The following HOXD11 variants were observed in gnomAD, a reference collection of about 807,000 sequenced individuals.
The protein encoded by HOXD11 is homeobox protein Hox-D11.
A neutral mutation model predicts 23.1 loss-of-function variants in HOXD11; 16 were observed. The ratio of observed to expected loss-of-function variants is 0.69; its 90% CI spans 0.47 to 1.05. The LOEUF is 1.05. HOXD11 is among the 50% of genes least tolerant of loss of function. HOXD11 has a pLI of 0.00. For missense variants in HOXD11, 564 were observed against 495.6 expected, an observed-to-expected ratio of 1.14 and a Z score of -1.31; for synonymous variants, 262 against 224.4, an observed-to-expected ratio of 1.17 and a Z score of -1.50.
downstream of HOXD11, among the ~76,000 whole-genome samples, chr2:176,111,080 C>T (rs1478832644): frequency 6.6e-6 from 1 of 152,118 alleles, no homozygotes; most frequent in African/African-American, 2.4e-5. Context: ...TAAATTATTG[C>T]ACTTTCTACA....
intron 1 of HOXD11, 34 bp downstream of exon 1, chr2:176,108,170 G>A: frequency 3.7e-6 from 4 of 1,067,734 alleles, no homozygotes; most frequent in Non-Finnish European, 4.8e-6. Flanking sequence ...CGGTGGGCCC[G>A]GGGGCCGCGG....
chr2:176,108,875 C>G, intron 1 of HOXD11, 32 bp from the exon 2 acceptor site: 1 of 1,521,598 alleles, frequency 6.6e-7, no homozygotes, highest in Non-Finnish European at 9.1e-7. Flanking sequence ...AGGCAGCGGC[C>G]TCTCTCACCC....
At position 176,107,620 on chromosome 2, in the gene HOXD11, AGCGGGGGCGGCCCCG is replaced by A. The variant is rs1337534030; in HGVS notation, c.277_291del (p.Pro93_Gly97del). ...CGGCGGCAGCGCGGGGGGCGGCAGC[AGCGGGGGCGGCCCCG>A]GCGGGGGCGGCGGCGGCGCGGGGGG... On this transcript the variant is annotated inframe_deletion, in exon 1 of 2. Transcript: ENST00000249504. 8 of 1,099,262 alleles carry A rather than the reference AGCGGGGGCGGCCCCG, an allele frequency of 7.3e-6. No homozygotes were observed. Among genetic ancestry groups the A allele is most frequent in the Admixed American group, 5.4e-5 (1 of 18,680 alleles). The allele number at this position is 1,099,262 out of a possible 1,614,324, so 68.1% of individuals were successfully genotyped here. A position where few individuals can be genotyped will look rare whatever the true frequency, so the allele number is the denominator to read the frequency against.
intron 1 of HOXD11, chr2:176,108,693 G>GTGTT (rs1689625775): frequency 3.4e-6 from 2 of 580,786 alleles, no homozygotes; most frequent in Middle Eastern, 4.6e-4. Flanking sequence ...GTGTGTGTGT[G>GTGTT]TGTGTCCGGG....
At chr2:176,111,666 T>C (rs1357501668), downstream of HOXD11, 1 of 150,982 alleles carries the variant, frequency 6.6e-6, no homozygotes, top group Non-Finnish European at 1.5e-5. Context: ...TATAACCAGA[T>C]GGTGTGGAGC....
the HOXD11 span, among the ~76,000 whole-genome samples, chr2:176,115,132 T>C: frequency 8.4e-6 from 1 of 119,100 alleles, no homozygotes; most frequent in East Asian, 2.0e-4. Flanking sequence ...TGAGTTTCCA[T>C]GGTGGTAGTG....
chr2:176,107,827 G>T lies in HOXD11; in HGVS notation c.472G>T (p.Ala158Ser), dbSNP rs1416623605. 1.4e-6 allele frequency: 2 copies of T among 1,424,306 alleles called. No homozygotes were observed. The highest frequency in any genetic ancestry group is 4.9e-4 in the Middle Eastern group (2 of 4,050). The allele number at this position is 1,424,306 out of a possible 1,614,324, so 88.2% of individuals were successfully genotyped here. Residue 158 changes from alanine (A) to serine (S), a missense_variant, in exon 1 of 2, where the codon GCG (alanine) becomes TCG (serine). Physicochemically the swap from Ala to Ser is moderately conservative, Grantham distance 99 (BLOSUM62 1). Coordinates refer to ENST00000249504, the MANE Select transcript of HOXD11 (RefSeq NM_021192.3). ...TGCGCCGGGGCCGCCGCACGGCCCCGCGGGCGCCGCCTCCAACTTCTACAG... is the reference window on the plus strand; with the variant it reads ...TGCGCCGGGGCCGCCGCACGGCCCCTCGGGCGCCGCCTCCAACTTCTACAG... ...CAAPGPPHGP[A>S]GAASNFYSAV...
chr2:176,112,002 C>T (rs893850635), downstream of HOXD11, among the ~76,000 whole-genome samples: 2 of 152,064 alleles, frequency 1.3e-5, no homozygotes, highest in African/African-American at 4.8e-5. Context: ...AGCCCGCGGC[C>T]GTGCCTGGAG....
chr2:176,110,630 G>T (rs1239031997), downstream of HOXD11, among the ~76,000 whole-genome samples: 1 of 152,162 alleles, frequency 6.6e-6, no homozygotes, highest in African/African-American at 2.4e-5. Context: ...AAATGTCAAG[G>T]TCATCACCTT....
At chr2:176,108,664 T>TGTGTGTGG in intron 1 of HOXD11, 1 of 481,110 alleles carries the variant, frequency 2.1e-6, no homozygotes, top group Admixed American at 3.7e-5. Context: ...AGGCTCTGTG[T>TGTGTGTGG]GTGTGTGTGT....
chr2:176,113,795 C>T (rs371816905), downstream of HOXD11, among the ~76,000 whole-genome samples: 44 of 152,290 alleles, frequency 2.9e-4, no homozygotes, highest in African/African-American at 1.0e-3. Flanking sequence ...CTGATATACA[C>T]ATTTTTGTCT....
downstream of HOXD11, among the ~76,000 whole-genome samples, chr2:176,110,594 C>A (rs1348575704): frequency 6.6e-6 from 1 of 152,184 alleles, no homozygotes; most frequent in Admixed American, 6.5e-5. Flanking sequence ...AAAATAAGTG[C>A]ATAAATGTAT....
At chr2:176,114,683 G>A (rs1469609142), downstream of HOXD11, among the ~76,000 whole-genome samples, 8 of 152,112 alleles carry the variant, frequency 5.3e-5, no homozygotes. Context: ...TTTTGGGAAA[G>A]GTTTTTGTAA....
the HOXD11 span, among the ~76,000 whole-genome samples, chr2:176,115,414 G>GA: frequency 2.0e-5 from 3 of 152,148 alleles, no homozygotes; most frequent in Non-Finnish European, 4.4e-5. Flanking sequence ...GCAGCGAAGG[G>GA]AAAAAAATCA....
At chr2:176,112,973 A>C (rs938482858), downstream of HOXD11, among the ~76,000 whole-genome samples, 1 of 151,970 alleles carries the variant, frequency 6.6e-6, no homozygotes, top group Non-Finnish European at 1.5e-5. Context: ...AAGGTCTCAG[A>C]CTCTGAAGTG....
At chr2:176,112,812 G>T (rs374068077), downstream of HOXD11, among the ~76,000 whole-genome samples, 2 of 152,226 alleles carry the variant, frequency 1.3e-5, no homozygotes, top group African/African-American at 4.8e-5. Flanking sequence ...GCTTCTCAGC[G>T]GTCTGCAGTT....
chr2:176,107,979 C>T lies in HOXD11; in HGVS notation c.624C>T (p.Ala208=), dbSNP rs776441835. 4.5e-4 allele frequency: 652 copies of T among 1,451,106 alleles called. 10 individuals are homozygous for T. The African/African-American group carries it at 8.7e-3, about 19-fold the overall frequency. The allele number at this position is 1,451,106 out of a possible 1,614,324, so 89.9% of individuals were successfully genotyped here. ...PPAPPQPEGA[A]DKGDPRTGAG... ...CGCCGCCACAGCCCGAGGGCGCAGCCGACAAGGGCGACCCCAGGACCGGGG... is the reference window on the plus strand; with the variant it reads ...CGCCGCCACAGCCCGAGGGCGCAGCTGACAAGGGCGACCCCAGGACCGGGG... The change falls in exon 1 of 2, where the codon GCC becomes GCT. Residue 208 remains alanine (A), a synonymous_variant. Transcript: ENST00000249504.
At chr2:176,108,169 CG>C (rs1689613237) in intron 1 of HOXD11, 33 bp downstream of exon 1, 20 of 123,858 alleles carry the variant, frequency 1.6e-4, no homozygotes, top group Admixed American at 4.2e-4. Flanking sequence ...GCGGTGGGCC[CG>C]GGGGCCGCGG....
In HOXD11 at chr2:176,109,406, T is replaced by C; in HGVS notation, c.*264T>C. 1 of 404,172 alleles carries C rather than the reference T, an allele frequency of 2.5e-6. No homozygotes were observed. The allele number at this position is 404,172 out of a possible 1,614,324, so 25.0% of individuals were successfully genotyped here. A position where few individuals can be genotyped will look rare whatever the true frequency, so the allele number is the denominator to read the frequency against. Reference sequence around the variant, plus strand: ...AATTTTACCGCCAGTGTGCTGTCGTTCCCCCTCCCCCTCTCCGAGTCCTCG... The same window carrying C: ...AATTTTACCGCCAGTGTGCTGTCGTCCCCCCTCCCCCTCTCCGAGTCCTCG... On this transcript the variant is annotated 3_prime_UTR_variant, in exon 2 of 2. Coordinates refer to ENST00000249504, the MANE Select transcript of HOXD11 (RefSeq NM_021192.3).
Sources: allele counts gnomAD v4.1 joint callset (sites outside exome capture counted in the v4.1 genomes callset), GRCh38; gene constraint gnomAD v4.1.1; transcripts MANE v1.5; gene names NCBI Gene and HGNC (gene_info 2026-07-23, HGNC 2026-07-21).